The following DPYD variants were observed in gnomAD, a reference collection of about 807,000 sequenced individuals.
DPYD encodes dihydropyrimidine dehydrogenase [NADP(+)].
DPYD carries 109 observed loss-of-function variants against 116.2 expected under a neutral mutation model. The ratio of observed to expected loss-of-function variants is 0.94; its 90% CI spans 0.80 to 1.10. The LOEUF (loss-of-function observed/expected upper bound fraction) is 1.10. DPYD is among the 50% of genes least tolerant of loss of function. The pLI is 0.00. For synonymous variants in DPYD, 440 were observed against 432.0 expected (o/e 1.02, Z -0.23); for missense variants, 1,302 against 1,254.5 (o/e 1.04, Z -0.57).
chr1:97,765,219 G>T (rs1665784237), intron 3 of DPYD, among the ~76,000 whole-genome samples: 2 of 152,180 alleles, frequency 1.3e-5, no homozygotes, highest in South Asian at 4.1e-4. Context: ...AACTCATTGT[G>T]GGAGTTGTTT....
chr1:97,655,076 A>T (rs570962277), intron 8 of DPYD, among the ~76,000 whole-genome samples: 107 of 152,306 alleles, frequency 7.0e-4, no homozygotes, highest in Non-Finnish European at 1.3e-3. Flanking sequence ...GGGAACTACA[A>T]TTCAAGATGA....
intron 8 of DPYD, among the ~76,000 whole-genome samples, 200 bp downstream of exon 8, chr1:97,678,895 T>C (rs1194340932): frequency 6.6e-6 from 1 of 152,112 alleles, no homozygotes; most frequent in African/African-American, 2.4e-5. Context: ...CTTGCCGAAA[T>C]CTCTCCATAA....
intron 12 of DPYD, among the ~76,000 whole-genome samples, chr1:97,518,686 T>A (rs916576221): frequency 2.6e-5 from 4 of 152,144 alleles, no homozygotes; most frequent in Admixed American, 2.6e-4. Flanking sequence ...CAGAAAATAC[T>A]ATTTTTCCAT....
rs1227202561 is a variant in DPYD, at chr1:97,565,388, A to G, written c.1339+8372T>C. Among the ~76,000 whole-genome samples the G allele has an allele frequency of 3.3e-5, 5 of 152,250 alleles. No homozygotes were observed. In the East Asian group the frequency reaches 9.6e-4, roughly 29 times the overall value. On this transcript the variant is annotated intron_variant, in intron 11 of 22. Coordinates refer to ENST00000370192, the MANE Select transcript of DPYD (RefSeq NM_000110.4). Reference sequence around the variant, plus strand: ...CCTTATTTAAACCTCCTCATTTGTCACCTGCATGTCTACAGCATAAAATTC... The same window carrying G: ...CCTTATTTAAACCTCCTCATTTGTCGCCTGCATGTCTACAGCATAAAATTC...
intron 1 of DPYD, among the ~76,000 whole-genome samples, chr1:97,917,869 G>T (rs1394497733): frequency 6.6e-6 from 1 of 152,170 alleles, no homozygotes; most frequent in Non-Finnish European, 1.5e-5. Context: ...TTGAACAAAA[G>T]AGTACTGTTT....
intron 1 of DPYD, among the ~76,000 whole-genome samples, chr1:97,885,144 C>A (rs1672416277): frequency 6.6e-6 from 1 of 151,942 alleles, no homozygotes; most frequent in Admixed American, 6.6e-5. Context: ...CCTGAGAATG[C>A]AATTCCTACT....
chr1:97,892,689 T>G (rs1672836534), intron 1 of DPYD, among the ~76,000 whole-genome samples: 2 of 151,832 alleles, frequency 1.3e-5, no homozygotes, highest in South Asian at 4.1e-4. Context: ...TAGGTTGTTC[T>G]ACTTTTCCAA....
At chr1:97,467,239 C>A (rs1009998221) in intron 13 of DPYD, among the ~76,000 whole-genome samples, 3 of 152,116 alleles carry the variant, frequency 2.0e-5, no homozygotes, top group African/African-American at 7.2e-5. Flanking sequence ...GAACTTTGAC[C>A]AAAGTTCTTT....
intron 20 of DPYD, among the ~76,000 whole-genome samples, chr1:97,105,394 A>G (rs1225594902): frequency 2.6e-5 from 4 of 152,110 alleles, no homozygotes; most frequent in Admixed American, 6.6e-5. Flanking sequence ...ATTTAATTTT[A>G]AGATGTTTGC....
intron 18 of DPYD, among the ~76,000 whole-genome samples, chr1:97,274,403 G>A (rs956329771): frequency 6.6e-5 from 10 of 152,090 alleles, no homozygotes; most frequent in Non-Finnish European, 1.5e-4. Flanking sequence ...CTCTTGCCAT[G>A]TGACACATCT....
intron 12 of DPYD, among the ~76,000 whole-genome samples, chr1:97,541,743 G>T (rs1449204889): frequency 5.3e-5 from 8 of 152,120 alleles, no homozygotes; most frequent in Non-Finnish European, 1.0e-4. Context: ...ATTAATTTTG[G>T]TTTCATAGGA....
rs202089820 is a variant in DPYD at position 97,481,234 on chromosome 1, A to AT, written c.1741-31012dup. On this transcript the variant is annotated intron_variant, in intron 13 of 22. Transcript: ENST00000370192. The stretch of plus-strand genomic sequence containing the variant: ...ACATGTGAACGAACCATGAGATGCC[A>AT]TTTTTTTTTGCACATATTATTTGGC... Among the ~76,000 whole-genome samples the AT allele has an allele frequency of 3.8e-4, 58 of 150,774 alleles. No individual in the cohort carries two copies. In the East Asian group the frequency reaches 4.3e-3, roughly 11 times the overall value.
chr1:97,409,238 A>C (rs1295601389), intron 14 of DPYD, among the ~76,000 whole-genome samples: 1 of 152,126 alleles, frequency 6.6e-6, no homozygotes, highest in African/African-American at 2.4e-5. Context: ...ATTTTATGTA[A>C]ATAATATTAT....
At chr1:97,731,580 G>T (rs984242761) in intron 4 of DPYD, among the ~76,000 whole-genome samples, 1 of 151,572 alleles carries the variant, frequency 6.6e-6, no homozygotes, top group Admixed American at 6.6e-5. Flanking sequence ...TGTTAATATC[G>T]ATAGTATAGT....
At chr1:97,432,396 C>T (rs1404663835) in intron 14 of DPYD, among the ~76,000 whole-genome samples, 1 of 152,056 alleles carries the variant, frequency 6.6e-6, no homozygotes, top group African/African-American at 2.4e-5. Context: ...TTCTTCATTT[C>T]TCATAATGTA....
chr1:97,882,513 C>T (rs1242857464), intron 2 of DPYD, among the ~76,000 whole-genome samples: 1 of 152,002 alleles, frequency 6.6e-6, no homozygotes, highest in African/African-American at 2.4e-5. Flanking sequence ...TACTGTCTCA[C>T]TCATTAATTT....
intron 8 of DPYD, among the ~76,000 whole-genome samples, chr1:97,666,229 G>C (rs529746422): frequency 2.0e-5 from 3 of 152,184 alleles, no homozygotes; most frequent in South Asian, 4.1e-4. Flanking sequence ...CTGGAGTTCA[G>C]TGGCACAATC....
chr1:97,540,592 A>G (rs745550021), intron 12 of DPYD, among the ~76,000 whole-genome samples: 3 of 152,188 alleles, frequency 2.0e-5, no homozygotes, highest in South Asian at 2.1e-4. Flanking sequence ...CCCGTCACCC[A>G]TATTTGTCTA....
At chr1:97,634,953 T>TAGCTAG (rs1430242355) in intron 8 of DPYD, among the ~76,000 whole-genome samples, 3 of 151,326 alleles carry the variant, frequency 2.0e-5, no homozygotes, top group African/African-American at 7.3e-5. Flanking sequence ...TTTCAATCTA[T>TAGCTAG]AGCTAGAGAT....
Sources: gnomAD v4.1 joint callset for allele counts (sites outside exome capture counted in the v4.1 genomes callset) on GRCh38, gnomAD v4.1.1 for gene constraint, MANE v1.5 for transcripts, NCBI Gene and HGNC (gene_info 2026-07-23, HGNC 2026-07-21) for gene names.